Variants in PKP2 observed in about 807,000 individuals in gnomAD.
The protein encoded by PKP2 is plakophilin 2.
Under a neutral mutation model 83.4 loss-of-function variants are expected in PKP2, and 73 were observed. The observed-to-expected ratio is 0.88, with a 90% CI of 0.72 to 1.06. The LOEUF is 1.06. PKP2 is among the 50% of genes least tolerant of loss of function. The pLI, the probability that PKP2 is intolerant of heterozygous loss-of-function variation, is 0.00. For missense variants in PKP2, 966 were observed against 1,065.4 expected (o/e 0.91, Z 1.30); for synonymous variants, 409 against 430.4 (o/e 0.95, Z 0.62).
intron 5 of PKP2, among the ~76,000 whole-genome samples, chr12:32,846,204 C>T (rs1956643584): frequency 6.6e-6 from 1 of 152,148 alleles, no homozygotes; most frequent in Admixed American, 6.5e-5. Flanking sequence ...TATCCCTGCT[C>T]ACTCCAGCCA....
intron 6 of PKP2, among the ~76,000 whole-genome samples, chr12:32,825,008 C>A: frequency 6.6e-6 from 1 of 152,038 alleles, no homozygotes. Context: ...GCATTAACTA[C>A]TTAAAAAAAT....
chr12:32,877,742 G>A, intron 3 of PKP2, 104 bp downstream of exon 3: 1 of 834,910 alleles, frequency 1.2e-6, no homozygotes, highest in Admixed American at 2.0e-5. Flanking sequence ...CTTATCTCTG[G>A]AAGCCCTTCT....
At chr12:32,839,194 G>A (rs1956567245) in intron 6 of PKP2, among the ~76,000 whole-genome samples, 1 of 151,932 alleles carries the variant, frequency 6.6e-6, no homozygotes, top group African/African-American at 2.4e-5. Flanking sequence ...CACCCACTAA[G>A]TTCTTCCACC....
In PKP2 at chr12:32,878,465, T is replaced by C. The variant is rs1175197058; in HGVS notation, c.415A>G (p.Arg139Gly). 1 of 1,614,094 alleles carries C rather than the reference T, an allele frequency of 6.2e-7. No homozygotes were observed. Among genetic ancestry groups the C allele is most frequent in the Admixed American group, 1.7e-5 (1 of 60,010 alleles). The change falls in exon 3 of 13, where the codon AGG (arginine) becomes GGG (glycine). Residue 139 changes from arginine to glycine, a missense_variant. Physicochemically the swap from Arg to Gly is moderately radical, Grantham distance 125 (BLOSUM62 -2). Coordinates refer to ENST00000340811, the MANE Select transcript of PKP2 (RefSeq NM_001005242.3). ...CTCCTCAGAGGATGCCTCAAGGACCTTTCTTCCACGGACTTCTGGGAGCTG... is the reference window on the plus strand; with the variant it reads ...CTCCTCAGAGGATGCCTCAAGGACCCTTCTTCCACGGACTTCTGGGAGCTG... ...QYSSQKSVEERSLRHPLRRLE... is the reference protein window; with the variant it reads ...QYSSQKSVEEGSLRHPLRRLE...
intron 11 of PKP2, among the ~76,000 whole-genome samples, chr12:32,793,326 A>G (rs1286235847): frequency 6.6e-6 from 1 of 152,192 alleles, no homozygotes; most frequent in Non-Finnish European, 1.5e-5. Context: ...TAGATATGTT[A>G]TAAATCCTTG....
chr12:32,849,620 T>C (rs1956679697), intron 5 of PKP2, among the ~76,000 whole-genome samples: 1 of 152,204 alleles, frequency 6.6e-6, no homozygotes, highest in Admixed American at 6.5e-5. Context: ...TCATCTTCTC[T>C]TTTATCATAC....
At chr12:32,865,518 T>G (rs1343479098) in intron 4 of PKP2, among the ~76,000 whole-genome samples, 1 of 145,042 alleles carries the variant, frequency 6.9e-6, no homozygotes, top group Non-Finnish European at 1.5e-5. Context: ...TCGACTCCAC[T>G]AAAAAAAAAA....
At chr12:32,843,431 T>G (rs1490161286) in intron 5 of PKP2, 1 of 678,260 alleles carries the variant, frequency 1.5e-6, no homozygotes, top group East Asian at 5.3e-5. Context: ...AATAAGAGCC[T>G]GTATAGTTAA....
At chr12:32,816,817 AT>A (rs36021779) in intron 9 of PKP2, among the ~76,000 whole-genome samples, 111,080 of 152,010 alleles carry the variant, frequency 0.73, 41,573 homozygotes, top group Non-Finnish European at 0.82. Flanking sequence ...TGTAGTTTTG[AT>A]TTGATAATTA....
At position 32,896,714 on chromosome 12, in the gene PKP2, G is replaced by A; in HGVS notation, c.18C>T (p.Ala6=). Residue 6 remains alanine (A), a synonymous_variant, in exon 1 of 13, where the codon GCC becomes GCT. Transcript: ENST00000340811. The part of the protein sequence containing the change: MAAPG[A]PAEYGYIRTV... ...TCCGGATGTAGCCGTACTCAGCTGG[G>A]GCGCCGGGGGCTGCCATGGGGCCGG... 6.8e-7 allele frequency: 1 copy of A among 1,475,700 alleles called. No homozygotes were observed. Among genetic ancestry groups the A allele is most frequent in the Non-Finnish European group, 9.0e-7 (1 of 1,116,656 alleles). 91.4% of individuals were successfully genotyped at this position (1,475,700 alleles called of 1,614,324 possible). A position where few individuals can be genotyped will look rare whatever the true frequency, so the allele number is the denominator to read the frequency against.
At chr12:32,861,987 T>G (rs1051508797) in intron 4 of PKP2, among the ~76,000 whole-genome samples, 4 of 152,156 alleles carry the variant, frequency 2.6e-5, no homozygotes, top group African/African-American at 9.7e-5. Flanking sequence ...AACCTTCGCC[T>G]CCTGGGTTCA....
Position 32,878,214 on chromosome 12 carries a change from C to T in PKP2, c.666G>A (p.Gln222=). The change falls in exon 3 of 13, where the codon CAG becomes CAA. Residue 222 remains glutamine (Q), a synonymous_variant. Coordinates refer to ENST00000340811, the MANE Select transcript of PKP2 (RefSeq NM_001005242.3). The stretch of plus-strand genomic sequence containing the variant: ...AAACGGTGTCGCTAACAGAGCCATG[C>T]TGGTACTGTCTGTGGTATGTGTCAA... ...RHFDTYHRQY[Q]HGSVSDTVFD... 6.2e-7 allele frequency: 1 copy of T among 1,614,102 alleles called. No homozygotes were observed. Among genetic ancestry groups the T allele is most frequent in the Non-Finnish European group, 8.5e-7 (1 of 1,180,026 alleles).
intron 9 of PKP2, among the ~76,000 whole-genome samples, chr12:32,819,452 T>C (rs1316114824): frequency 6.6e-6 from 1 of 152,198 alleles, no homozygotes; most frequent in Non-Finnish European, 1.5e-5. Context: ...CAGTTTAGTG[T>C]AAGCTTCCAT....
At chr12:32,862,643 C>T (rs1292391501) in intron 4 of PKP2, among the ~76,000 whole-genome samples, 1 of 149,726 alleles carries the variant, frequency 6.7e-6, no homozygotes, top group African/African-American at 2.5e-5. Context: ...GAAACTCCGT[C>T]TCAAAAAGAA....
At chr12:32,887,279 G>T (rs2137980288) in intron 1 of PKP2, among the ~76,000 whole-genome samples, 1 of 152,290 alleles carries the variant, frequency 6.6e-6, no homozygotes, top group African/African-American at 2.4e-5. Flanking sequence ...GTGTGCGACT[G>T]ACTAATCCAT....
rs567795321 is a variant in PKP2 at position 32,878,474 on chromosome 12, C to T, written c.406G>A (p.Val136Met). The T allele has an allele frequency of 1.7e-4, 281 of 1,613,912 alleles. 3 individuals carry two copies. The South Asian group carries it at 2.7e-3, about 15-fold the overall frequency. Residue 136 changes from valine to methionine, a missense_variant, in exon 3 of 13, where the codon GTG becomes ATG. Val to Met is a conservative substitution (Grantham distance 21, BLOSUM62 1). Coordinates refer to ENST00000340811, the MANE Select transcript of PKP2 (RefSeq NM_001005242.3). The stretch of plus-strand genomic sequence containing the variant: ...GGATGCCTCAAGGACCTTTCTTCCA[C>T]GGACTTCTGGGAGCTGTACTGTGCT... ...GTAQYSSQKS[V>M]EERSLRHPLR...
At chr12:32,845,505 T>TGG (rs1956636677) in intron 5 of PKP2, among the ~76,000 whole-genome samples, 1 of 152,106 alleles carries the variant, frequency 6.6e-6, no homozygotes. Flanking sequence ...TGAGCCGAGA[T>TGG]CATGCCACTG....
At position 32,873,403 on chromosome 12, in the gene PKP2, CTT is replaced by C. The variant is rs201502381; in HGVS notation, c.1035-4343_1035-4342del. Among the ~76,000 whole-genome samples, 1,217 of 151,666 alleles carry C rather than the reference CTT, an allele frequency of 8.0e-3. 12 individuals carry two copies. The highest frequency in any genetic ancestry group is 0.017 in the South Asian group (80 of 4,792). ...GTGAGCCACCATGCCCGGCCCTGCT[CTT>C]GTGTTCTTTAAATTTCTGTAGACAC... On this transcript the variant is annotated intron_variant, in intron 3 of 12. Coordinates refer to ENST00000340811, the MANE Select transcript of PKP2 (RefSeq NM_001005242.3).
At chr12:32,890,235 A>G (rs1006660471) in intron 1 of PKP2, among the ~76,000 whole-genome samples, 11 of 152,110 alleles carry the variant, frequency 7.2e-5, no homozygotes, top group African/African-American at 2.7e-4. Flanking sequence ...TTATCTGTCA[A>G]GAAAAGTTCC....
Sources: allele counts gnomAD v4.1 joint callset (sites outside exome capture counted in the v4.1 genomes callset), GRCh38; gene constraint gnomAD v4.1.1; transcripts MANE v1.5; gene names NCBI Gene and HGNC (gene_info 2026-07-23, HGNC 2026-07-21).